The following GALM variants were observed in gnomAD, a reference collection of about 807,000 sequenced individuals.
GALM encodes aldose 1-epimerase.
Under a neutral mutation model 37.4 loss-of-function variants are expected in GALM, and 43 were observed. The observed-to-expected ratio is 1.15, with a 90% CI of 0.90 to 1.48. The LOEUF (loss-of-function observed/expected upper bound fraction) is 1.48. Ranked by LOEUF, GALM falls within the 40% of genes most tolerant of loss-of-function variation. The probability of loss-of-function intolerance (pLI) is 0.00; values close to 1 mark genes in which losing one functional copy is unlikely to be tolerated. For synonymous variants in GALM, 199 were observed against 170.6 expected (o/e 1.17, Z -1.30); for missense variants, 456 against 419.1 (o/e 1.09, Z -0.77).
intron 4 of GALM, among the ~76,000 whole-genome samples, chr2:38,724,008 C>T (rs1218998985): frequency 6.6e-6 from 1 of 151,848 alleles, no homozygotes; most frequent in East Asian, 2.0e-4. Flanking sequence ...CAAGCTCCAC[C>T]TCCTGGTTCA....
At chr2:38,697,040 G>A (rs1275842598) in intron 4 of GALM, among the ~76,000 whole-genome samples, 1 of 151,736 alleles carries the variant, frequency 6.6e-6, no homozygotes, top group African/African-American at 2.4e-5. Context: ...TCCACCTGCT[G>A]TGGCCTCCCA....
At chr2:38,698,514 A>T in intron 4 of GALM, 3 of 243,386 alleles carry the variant, frequency 1.2e-5, no homozygotes, top group South Asian at 1.0e-4. Context: ...TTAGCTACTT[A>T]AAAAAAAAAA....
Position 38,675,518 on chromosome 2 carries a change from GTTTTTTT to G in GALM, c.191-393_191-387del, listed in dbSNP as rs1329715394. ...CATGCAACACACCTTTGGATTGAGG[GTTTTTTT>G]GTTTTTTTTTTTTTTTTTTGTGTGT... On this transcript the variant is annotated intron_variant, in intron 1 of 6. Transcript: ENST00000272252. 7.1e-3 allele frequency among the ~76,000 whole-genome samples: 743 copies of G among 104,524 alleles called. 20 individuals are homozygous for G. Among genetic ancestry groups the G allele is most frequent in the East Asian group, 0.041 (137 of 3,366 alleles). The allele number at this position is 104,524 out of a possible 152,430, so 68.6% of individuals were successfully genotyped here.
chr2:38,683,781 G>C (rs1665459240), intron 3 of GALM, among the ~76,000 whole-genome samples: 1 of 152,134 alleles, frequency 6.6e-6, no homozygotes, highest in Non-Finnish European at 1.5e-5. Context: ...TGCCCAAGCT[G>C]GTCTCGAACT....
At chr2:38,680,031 T>C (rs1324297838) in intron 2 of GALM, 1 of 455,358 alleles carries the variant, frequency 2.2e-6, no homozygotes. Context: ...ATTTACTTTT[T>C]TGAGACAATG....
rs1209653220 is a variant in GALM, at chr2:38,733,508, G to T, written c.972G>T (p.Leu324=). 6.2e-7 allele frequency: 1 copy of T among 1,613,836 alleles called. No individual in the cohort carries two copies. Among genetic ancestry groups the T allele is most frequent in the African/African-American group, 1.3e-5 (1 of 74,908 alleles). ...CACAGCCCCGCTTCCCTCCTGTGCT[G>T]CTGAGGCCTGGTGAGGAGTATGACC... ...AVNQPRFPPV[L]LRPGEEYDHT... Residue 324 remains leucine, a synonymous_variant, in exon 7 of 7, where the codon CTG becomes CTT. Coordinates refer to ENST00000272252, the MANE Select transcript of GALM (RefSeq NM_138801.3).
At chr2:38,689,001 G>A (rs759459537) in intron 3 of GALM, among the ~76,000 whole-genome samples, 4 of 152,146 alleles carry the variant, frequency 2.6e-5, no homozygotes, top group Non-Finnish European at 4.4e-5. Flanking sequence ...TGTATTTTTA[G>A]TAGAGACGGG....
At chr2:38,671,055 T>G (rs1395432254) in intron 1 of GALM, among the ~76,000 whole-genome samples, 2 of 149,988 alleles carry the variant, frequency 1.3e-5, no homozygotes, top group Non-Finnish European at 3.0e-5. Flanking sequence ...ATTTATTAAT[T>G]TATTCTCGCC....
At chr2:38,701,261 G>C (rs1160366828) in intron 4 of GALM, among the ~76,000 whole-genome samples, 1 of 152,132 alleles carries the variant, frequency 6.6e-6, no homozygotes, top group Non-Finnish European at 1.5e-5. Flanking sequence ...TGGGCAGCCT[G>C]CCCAGCAAGA....
intron 4 of GALM, among the ~76,000 whole-genome samples, chr2:38,693,236 A>C (rs1360424437): frequency 2.0e-5 from 3 of 152,128 alleles, no homozygotes; most frequent in Non-Finnish European, 4.4e-5. Flanking sequence ...TAATCCCAGC[A>C]ATTTGGGAGG....
At chr2:38,711,422 A>G (rs562553949) in intron 4 of GALM, among the ~76,000 whole-genome samples, 12 of 151,980 alleles carry the variant, frequency 7.9e-5, no homozygotes, top group South Asian at 2.1e-4. Context: ...CGGCTTCCCA[A>G]ATTGCCTGGA....
chr2:38,687,175 C>CT (rs746324850), intron 3 of GALM, among the ~76,000 whole-genome samples: 1 of 152,222 alleles, frequency 6.6e-6, no homozygotes, highest in Non-Finnish European at 1.5e-5. Flanking sequence ...TCTCCAGGTG[C>CT]TGGCACCACC....
At chr2:38,687,969 T>C (rs548131345) in intron 3 of GALM, among the ~76,000 whole-genome samples, 40 of 152,194 alleles carry the variant, frequency 2.6e-4, no homozygotes, top group African/African-American at 9.1e-4. Flanking sequence ...CCCAGCACTT[T>C]GGGAGGCTGA....
chr2:38,671,860 C>T (rs949809333), intron 1 of GALM, among the ~76,000 whole-genome samples: 7 of 151,900 alleles, frequency 4.6e-5, no homozygotes, highest in Admixed American at 1.3e-4. Context: ...GGTGTGGTGG[C>T]GCATGCCTGT....
At chr2:38,709,685 A>G (rs1666111168) in intron 4 of GALM, among the ~76,000 whole-genome samples, 1 of 152,240 alleles carries the variant, frequency 6.6e-6, no homozygotes, top group African/African-American at 2.4e-5. Context: ...TGAAAAATGT[A>G]TAGAAATGTT....
chr2:38,727,943 T>C (rs975943522), intron 4 of GALM, among the ~76,000 whole-genome samples: 2 of 152,172 alleles, frequency 1.3e-5, no homozygotes. Context: ...CTACTTTGCA[T>C]GCTACTTCTC....
intron 1 of GALM, among the ~76,000 whole-genome samples, chr2:38,668,040 G>T (rs528918247): frequency 5.9e-5 from 9 of 152,226 alleles, no homozygotes; most frequent in African/African-American, 2.2e-4. Flanking sequence ...TACCCTTTTG[G>T]TCCAATCATA....
chr2:38,729,500 A>G, intron 4 of GALM, 56 bp from the exon 5 acceptor site: 5 of 1,544,660 alleles, frequency 3.2e-6, no homozygotes, highest in Admixed American at 1.7e-5. Flanking sequence ...TGGAGGCTCT[A>G]TATAAAGATG....
intron 4 of GALM, among the ~76,000 whole-genome samples, chr2:38,716,494 G>C (rs1164206410): frequency 6.6e-6 from 1 of 152,210 alleles, no homozygotes; most frequent in African/African-American, 2.4e-5. Context: ...ATATTCTATA[G>C]ACCAAGGATT....
Sources: allele counts gnomAD v4.1 joint callset (sites outside exome capture counted in the v4.1 genomes callset), GRCh38; gene constraint gnomAD v4.1.1; transcripts MANE v1.5; gene names NCBI Gene and HGNC (gene_info 2026-07-23, HGNC 2026-07-21).